PPM1H: variants seen among roughly 807,000 people sequenced by gnomAD.
The protein encoded by PPM1H is protein phosphatase 1H.
A neutral mutation model predicts 54.9 loss-of-function variants in PPM1H; 27 were observed. That is an observed-to-expected ratio of 0.49 (90% CI 0.36 to 0.68). The LOEUF is 0.68. Among genes scored for constraint, PPM1H ranks in the 30% least tolerant of loss-of-function variants. PPM1H has a pLI of 0.00. For missense variants in PPM1H, 596 were observed against 667.8 expected, an observed-to-expected ratio of 0.89 and a Z score of 1.19; for synonymous variants, 305 against 270.8, an observed-to-expected ratio of 1.13 and a Z score of -1.24.
At chr12:62,877,723 G>C (rs1870228417) in intron 1 of PPM1H, among the ~76,000 whole-genome samples, 1 of 152,126 alleles carries the variant, frequency 6.6e-6, no homozygotes, top group South Asian at 2.1e-4. Context: ...CACACTGGGT[G>C]AATGAATGAT....
intron 4 of PPM1H, among the ~76,000 whole-genome samples, chr12:62,759,472 A>G (rs532735779): frequency 2.2e-4 from 34 of 152,266 alleles, no homozygotes; most frequent in African/African-American, 7.0e-4. Context: ...TCCTTTCATT[A>G]TCTGGTAGAG....
chr12:62,727,461 A>G (rs1466138268), intron 5 of PPM1H, among the ~76,000 whole-genome samples: 1 of 152,094 alleles, frequency 6.6e-6, no homozygotes, highest in African/African-American at 2.4e-5. Context: ...TTAACTTCTT[A>G]TAAATTGATA....
At chr12:62,702,026 A>C (rs896022817) in intron 6 of PPM1H, among the ~76,000 whole-genome samples, 7 of 152,240 alleles carry the variant, frequency 4.6e-5, no homozygotes, top group African/African-American at 1.7e-4. Flanking sequence ...ATGAATGAAC[A>C]AAGGCTGGTA....
intron 1 of PPM1H, among the ~76,000 whole-genome samples, chr12:62,857,780 C>G (rs575035496): frequency 6.6e-6 from 1 of 152,212 alleles, no homozygotes; most frequent in East Asian, 1.9e-4. Context: ...TTTATACTAG[C>G]CCCTCATAAC....
rs1412725251 is a variant in PPM1H, at chr12:62,646,077, A to AGTC, written c.*2409_*2411dup. On this transcript the variant is annotated 3_prime_UTR_variant, in exon 10 of 10. Coordinates refer to ENST00000228705, the MANE Select transcript of PPM1H (RefSeq NM_020700.2). Reference sequence around the variant, plus strand: ...CTTTTGATTTCTTCATCTTATTTATAGTCTTCCTCCCATCCCCTGAACACA... The same window carrying AGTC: ...CTTTTGATTTCTTCATCTTATTTATAGTCGTCTTCCTCCCATCCCCTGAACACA... 2 of 152,234 alleles carry AGTC rather than the reference A, an allele frequency of 1.3e-5. No individual in the cohort carries two copies. The highest frequency in any genetic ancestry group is 4.8e-5 in the African/African-American group (2 of 41,452). 9.4% of individuals were successfully genotyped at this position (152,234 alleles called of 1,614,324 possible).
intron 6 of PPM1H, among the ~76,000 whole-genome samples, chr12:62,717,096 C>T (rs550702398): frequency 1.3e-5 from 2 of 152,282 alleles, no homozygotes; most frequent in South Asian, 4.1e-4. Context: ...ACCTATGCCT[C>T]CCCAAATGCT....
intron 9 of PPM1H, among the ~76,000 whole-genome samples, chr12:62,666,926 C>T (rs560380725): frequency 6.6e-6 from 1 of 152,160 alleles, no homozygotes. Context: ...GTTGGCCAGG[C>T]TGGTCTAGAA....
At chr12:62,885,437 C>T (rs906626183) in intron 1 of PPM1H, among the ~76,000 whole-genome samples, 8 of 152,150 alleles carry the variant, frequency 5.3e-5, no homozygotes, top group African/African-American at 1.9e-4. Context: ...AGGTCAGGCC[C>T]ACCTGGGATA....
chr12:62,765,840 C>A (rs73314563), intron 4 of PPM1H, among the ~76,000 whole-genome samples: 27,358 of 152,138 alleles, frequency 0.18, 2,927 homozygotes, highest in African/African-American at 0.3. Context: ...AGGAGGAGGG[C>A]AGCATGTTAT....
At chr12:62,756,784 C>A (rs2076479052) in intron 4 of PPM1H, among the ~76,000 whole-genome samples, 1 of 151,922 alleles carries the variant, frequency 6.6e-6, no homozygotes, top group African/African-American at 2.4e-5. Context: ...GCCTAAAGAA[C>A]TGTGGGAGCA....
chr12:62,933,994 C>T (rs1284194938), intron 1 of PPM1H: 1 of 154,048 alleles, frequency 6.5e-6, no homozygotes. Context: ...AATGTACAAC[C>T]ACGCACTCGG....
At chr12:62,742,803 A>C (rs913210469) in intron 4 of PPM1H, among the ~76,000 whole-genome samples, 3 of 152,156 alleles carry the variant, frequency 2.0e-5, no homozygotes, top group African/African-American at 7.2e-5. Context: ...GCCGGGGTTG[A>C]GGTGATTTAA....
chr12:62,650,083 C>G (rs1565744300), intron 9 of PPM1H, among the ~76,000 whole-genome samples: 1 of 152,184 alleles, frequency 6.6e-6, no homozygotes, highest in South Asian at 2.1e-4. Context: ...AGAAGCCTCT[C>G]CATTTCTTTT....
intron 4 of PPM1H, 131 bp from the exon 5 acceptor site, chr12:62,737,717 T>C: frequency 3.4e-6 from 2 of 589,808 alleles, no homozygotes; most frequent in Non-Finnish European, 5.8e-6. Flanking sequence ...CATGGCAGAG[T>C]TCACTGTTCC....
intron 1 of PPM1H, among the ~76,000 whole-genome samples, chr12:62,857,065 A>G (rs1869417175): frequency 6.6e-6 from 1 of 152,178 alleles, no homozygotes; most frequent in African/African-American, 2.4e-5. Flanking sequence ...GTGTGAAAGG[A>G]TCTTCTGGAA....
At position 62,934,895 on chromosome 12, in the gene PPM1H, G is replaced by T; in HGVS notation, c.-159C>A. 1.7e-6 allele frequency: 1 copy of T among 601,370 alleles called. No homozygotes were observed. The highest frequency in any genetic ancestry group is 2.3e-6 in the Non-Finnish European group (1 of 427,442). 37.3% of individuals were successfully genotyped at this position (601,370 alleles called of 1,614,324 possible). On this transcript the variant is annotated 5_prime_UTR_variant, in exon 1 of 10. Transcript: ENST00000228705. The surrounding 1 kb of genome is among the most constrained non-coding windows in gnomAD (Gnocchi z 4.2). ...GCTCCCAGAGCCTAGTGCTGCAGGG[G>T]GCCGAGCCCCGGCCTCTCGTGCTTA...
At position 62,710,531 on chromosome 12, in the gene PPM1H, T is replaced by C. The variant is rs541672904; in HGVS notation, c.1073+9640A>G. Among the ~76,000 whole-genome samples, 9 of 127,992 alleles carry C rather than the reference T, an allele frequency of 7.0e-5. No individual in the cohort carries two copies. In the South Asian group the frequency reaches 2.3e-3, roughly 32 times the overall value. 84.0% of individuals were successfully genotyped at this position (127,992 alleles called of 152,430 possible). A position where few individuals can be genotyped will look rare whatever the true frequency, so the allele number is the denominator to read the frequency against. On this transcript the variant is annotated intron_variant, in intron 6 of 9. Transcript: ENST00000228705. ...TGGGCAACAGAGTGGAGTGAGACTG[T>C]CTCTTTAAAAAAAAAAAAAAAAAAG...
At chr12:62,785,448 A>G (rs1253184902) in intron 4 of PPM1H, among the ~76,000 whole-genome samples, 1 of 152,242 alleles carries the variant, frequency 6.6e-6, no homozygotes, top group African/African-American at 2.4e-5. Context: ...AAGTGCTGGG[A>G]TTATAGGCGT....
intron 3 of PPM1H, among the ~76,000 whole-genome samples, chr12:62,799,446 T>C (rs1004133933): frequency 6.6e-6 from 1 of 152,166 alleles, no homozygotes; most frequent in Non-Finnish European, 1.5e-5. Flanking sequence ...CAAACTGAAT[T>C]ACATTACATT....
Sources: gnomAD v4.1 joint callset for allele counts (sites outside exome capture counted in the v4.1 genomes callset) on GRCh38, gnomAD v4.1.1 for gene constraint, Gnocchi (gnomAD v3.1) non-coding constraint, MANE v1.5 for transcripts, NCBI Gene and HGNC (gene_info 2026-07-23, HGNC 2026-07-21) for gene names.